ZNF24: variants seen among roughly 807,000 people sequenced by gnomAD.
ZNF24 encodes the protein zinc finger protein 24, also known as retinoic acid suppression protein A.
Under a neutral mutation model 40.9 loss-of-function variants are expected in ZNF24, and 11 were observed. The ratio of observed to expected loss-of-function variants is 0.27; its 90% confidence interval spans 0.17 to 0.45. The LOEUF (loss-of-function observed/expected upper bound fraction) is 0.45. Among genes scored for constraint, ZNF24 ranks in the 20% least tolerant of loss-of-function variants. The pLI is 1.00. For missense variants in ZNF24, 293 were observed against 437.7 expected, an observed-to-expected ratio of 0.67 and a Z score of 2.95; for synonymous variants, 139 against 154.7, an observed-to-expected ratio of 0.90 and a Z score of 0.75.
At chr18:35,338,000 A>C in intron 3 of ZNF24, 1 of 461,388 alleles carries the variant, frequency 2.2e-6, no homozygotes, top group Non-Finnish European at 3.4e-6. Context: ...TGGTTTACAA[A>C]TGGTAGTCAG....
intron 1 of ZNF24, chr18:35,343,615 C>A: frequency 6.6e-6 from 1 of 152,158 alleles, no homozygotes; most frequent in East Asian, 1.9e-4. Context: ...TAATTAAATA[C>A]CCTGGAGTGT....
At chr18:35,342,099 G>A (rs771311071) in intron 1 of ZNF24, among the ~76,000 whole-genome samples, 15 of 152,072 alleles carry the variant, frequency 9.9e-5, no homozygotes, top group Non-Finnish European at 2.1e-4. Flanking sequence ...GGGAGATTGA[G>A]GCAGGAGAAT....
intron 1 of ZNF24, among the ~76,000 whole-genome samples, chr18:35,341,127 C>T (rs1354654234): frequency 1.3e-5 from 2 of 151,944 alleles, no homozygotes; most frequent in African/African-American, 2.4e-5. Flanking sequence ...TCATACTTCA[C>T]GCTACAATAG....
At chr18:35,343,854 G>GGCCCCA (rs1399354287) in intron 1 of ZNF24, 2 of 121,532 alleles carry the variant, frequency 1.6e-5, no homozygotes, top group African/African-American at 2.9e-5. Flanking sequence ...TGTGTATCCC[G>GGCCCCA]GCCCCGGCCC....
Position 35,335,485 on chromosome 18 carries a change from T to C in ZNF24, c.*1747A>G, listed in dbSNP as rs561976887. 6.6e-6 allele frequency: 1 copy of C among 152,198 alleles called. No individual in the cohort carries two copies. Among genetic ancestry groups the C allele is most frequent in the South Asian group, 2.1e-4 (1 of 4,834 alleles). 9.4% of individuals were successfully genotyped at this position (152,198 alleles called of 1,614,324 possible). A position where few individuals can be genotyped will look rare whatever the true frequency, so the allele number is the denominator to read the frequency against. On this transcript the variant is annotated 3_prime_UTR_variant, in exon 4 of 4. Coordinates refer to ENST00000261332, the MANE Select transcript of ZNF24 (RefSeq NM_006965.4). ...TTGCATTTATTACTATGCTTTTTAA[T>C]AGGCTCATGCAAAATCTCACCTTCC...
chr18:35,338,118 T>G (rs1446717878), intron 3 of ZNF24: 2 of 921,612 alleles, frequency 2.2e-6, no homozygotes, highest in African/African-American at 1.8e-5. Flanking sequence ...AAAATAAAAT[T>G]GGCCACTAGG....
rs956639233 is a variant in ZNF24, at chr18:35,344,351, C to G, written c.-84+9G>C. ...GTCCCCCCTCCCTCTCATAACGTTC[C>G]CCGCACACCGGCGCAAACCTCCGGC... On this transcript the variant is annotated intron_variant, in intron 1 of 3. Coordinates refer to ENST00000261332, the MANE Select transcript of ZNF24 (RefSeq NM_006965.4). 24 of 152,372 alleles carry G rather than the reference C, an allele frequency of 1.6e-4. No individual in the cohort carries two copies. The highest frequency in any genetic ancestry group is 5.8e-4 in the African/African-American group (24 of 41,472). 9.4% of individuals were successfully genotyped at this position (152,372 alleles called of 1,614,324 possible).
rs566271298 is a variant in ZNF24, at chr18:35,333,622, A to T, written c.*3610T>A. 1.3e-5 allele frequency: 2 copies of T among 152,322 alleles called. No individual in the cohort carries two copies. Among genetic ancestry groups the T allele is most frequent in the Non-Finnish European group, 2.9e-5 (2 of 68,024 alleles). The allele number at this position is 152,322 out of a possible 1,614,324, so 9.4% of individuals were successfully genotyped here. ...AATTTTGCCTACCAGATTGGCAAAA[A>T]TTTTTAAGGATTCAGGGTTGGCAGA... On this transcript the variant is annotated 3_prime_UTR_variant, in exon 4 of 4. Transcript: ENST00000261332.
rs2044876996 is a variant in ZNF24, at chr18:35,333,537, C to A, written c.*3695G>T. On this transcript the variant is annotated 3_prime_UTR_variant, in exon 4 of 4. Coordinates refer to ENST00000261332, the MANE Select transcript of ZNF24 (RefSeq NM_006965.4). Reference sequence around the variant, plus strand: ...CAAAAGCAATTCATAATAGGAAATGCAAATGGCCAAGAAACATGAAAAGAT... The same window carrying A: ...CAAAAGCAATTCATAATAGGAAATGAAAATGGCCAAGAAACATGAAAAGAT... 6.6e-6 allele frequency: 1 copy of A among 152,012 alleles called. No homozygotes were observed. The highest frequency in any genetic ancestry group is 6.6e-5 in the Admixed American group (1 of 15,252). 9.4% of individuals were successfully genotyped at this position (152,012 alleles called of 1,614,324 possible). A position where few individuals can be genotyped will look rare whatever the true frequency, so the allele number is the denominator to read the frequency against.
At chr18:35,339,804 G>A (rs749114238) in intron 3 of ZNF24, 25 bp downstream of exon 3, 18 of 1,576,668 alleles carry the variant, frequency 1.1e-5, no homozygotes, top group Non-Finnish European at 1.5e-5. Flanking sequence ...TCACCCTCTA[G>A]CCCACACAGA....
In ZNF24 at chr18:35,335,730, C is replaced by T. The variant is rs1320013708; in HGVS notation, c.*1502G>A. 1.3e-5 allele frequency: 2 copies of T among 151,950 alleles called. No homozygotes were observed. Among genetic ancestry groups the T allele is most frequent in the Non-Finnish European group, 2.9e-5 (2 of 67,998 alleles). The allele number at this position is 151,950 out of a possible 1,614,324, so 9.4% of individuals were successfully genotyped here. ...ATAATCCTACTACTACAATGTATTA[C>T]TTTAATACATTTTAAAAAATGTGTT... On this transcript the variant is annotated 3_prime_UTR_variant, in exon 4 of 4. Transcript: ENST00000261332.
chr18:35,343,237 C>T (rs2044985471), intron 1 of ZNF24, among the ~76,000 whole-genome samples: 1 of 152,142 alleles, frequency 6.6e-6, no homozygotes, highest in Non-Finnish European at 1.5e-5. Context: ...TCTTCCACCA[C>T]ACCATACGTA....
intron 3 of ZNF24, 133 bp from the exon 4 acceptor site, chr18:35,337,903 C>T: frequency 1.4e-6 from 1 of 694,108 alleles, no homozygotes; most frequent in Middle Eastern, 4.4e-4. Flanking sequence ...GTGTTAAGGC[C>T]TATTCTCAAA....
intron 3 of ZNF24, chr18:35,338,884 G>A: frequency 7.2e-7 from 1 of 1,390,440 alleles, no homozygotes; most frequent in South Asian, 1.8e-5. Context: ...TATCAAGAAT[G>A]ATACTTCTCA....
intron 3 of ZNF24, among the ~76,000 whole-genome samples, chr18:35,339,407 T>C (rs1162732049): frequency 6.6e-6 from 1 of 152,110 alleles, no homozygotes; most frequent in East Asian, 1.9e-4. Context: ...GAAATAAATA[T>C]TTAGAAAGAT....
chr18:35,341,884 T>TA (rs1169388140), intron 1 of ZNF24, among the ~76,000 whole-genome samples: 3 of 151,908 alleles, frequency 2.0e-5, no homozygotes, highest in Non-Finnish European at 4.4e-5. Flanking sequence ...ACCCTGTCTC[T>TA]AAAAAATGAA....
chr18:35,338,973 G>C, intron 3 of ZNF24: 1 of 1,519,468 alleles, frequency 6.6e-7, no homozygotes, highest in Non-Finnish European at 8.8e-7. Context: ...CACCCCAAAA[G>C]TTGACTGGCT....
intron 1 of ZNF24, among the ~76,000 whole-genome samples, chr18:35,342,898 T>C (rs1222361535): frequency 1.3e-5 from 2 of 152,210 alleles, no homozygotes; most frequent in Non-Finnish European, 1.5e-5. Flanking sequence ...CCTATGTCAA[T>C]AATCAAAAGA....
At position 35,337,471 on chromosome 18, in the gene ZNF24, G is replaced by A. The variant is rs1474538878; in HGVS notation, c.868C>T (p.Arg290Ter). Residue 290 changes from arginine (R) to a stop codon, truncating the protein, a stop_gained, in exon 4 of 4, where the codon CGA becomes TGA. Coordinates refer to ENST00000261332, the MANE Select transcript of ZNF24 (RefSeq NM_006965.4). LOFTEE classifies it high-confidence loss of function. Reference protein sequence around the residue: ...GCVECGKAFSRSSILVQHQRV... With the variant: ...GCVECGKAFS ...TGGTGTTGCACAAGAATGGAACTTC[G>A]GCTGAATGCTTTCCCACACTCAACA... The A allele has an allele frequency of 1.2e-6, 2 of 1,613,414 alleles. No individual in the cohort carries two copies. Among genetic ancestry groups the A allele is most frequent in the Non-Finnish European group, 1.7e-6 (2 of 1,179,450 alleles).
Sources: allele counts gnomAD v4.1 joint callset (sites outside exome capture counted in the v4.1 genomes callset), GRCh38; gene constraint gnomAD v4.1.1; transcripts MANE v1.5; gene names NCBI Gene and HGNC (gene_info 2026-07-23, HGNC 2026-07-21).